Variants in MLXIPL observed in about 807,000 individuals in gnomAD.
The protein encoded by MLXIPL is carbohydrate-responsive element-binding protein.
A neutral mutation model predicts 81.5 loss-of-function variants in MLXIPL; 49 were observed. That is an observed-to-expected ratio of 0.60 (90% confidence interval 0.48 to 0.76). The LOEUF (loss-of-function observed/expected upper bound fraction) is 0.76, where lower values mean the gene tolerates loss of function less well. Ranked by LOEUF, MLXIPL falls within the 30% of genes least tolerant of loss-of-function variation. MLXIPL has a pLI of 0.00. For synonymous variants in MLXIPL, 466 were observed against 485.5 expected (o/e 0.96, Z 0.53); for missense variants, 1,053 against 1,167.0 (o/e 0.90, Z 1.42).
At chr7:73,613,084 G>A (rs1222256562) in intron 2 of MLXIPL, among the ~76,000 whole-genome samples, 4 of 152,164 alleles carry the variant, frequency 2.6e-5, no homozygotes, top group African/African-American at 7.2e-5. Flanking sequence ...GAGCCTGCAG[G>A]GGGTGGCAGA....
chr7:73,645,393 A>C, the MLXIPL span, among the ~76,000 whole-genome samples: 5 of 151,014 alleles, frequency 3.3e-5, no homozygotes, highest in African/African-American at 9.7e-5. Context: ...TATTCTGTTC[A>C]CTCTTCCCTT....
chr7:73,603,957 C>T (rs1307226510), intron 7 of MLXIPL, among the ~76,000 whole-genome samples: 4 of 152,054 alleles, frequency 2.6e-5, no homozygotes, highest in East Asian at 1.9e-4. Context: ...AGCTCACACC[C>T]GTAATCCCAG....
intron 5 of MLXIPL, chr7:73,606,416 CTTTTTCTTTTTCT>C: frequency 2.2e-6 from 1 of 446,398 alleles, no homozygotes; most frequent in Non-Finnish European, 4.0e-6. Context: ...TGTTTGTTTT[CTTTTTCTTTTTCT>C]TTTTTTTTTT....
At chr7:73,618,345 C>A (rs1307140207) in intron 1 of MLXIPL, among the ~76,000 whole-genome samples, 1 of 152,236 alleles carries the variant, frequency 6.6e-6, no homozygotes, top group African/African-American at 2.4e-5. Flanking sequence ...GATCCACCCA[C>A]CTTGGCCTCC....
In MLXIPL at chr7:73,596,604, T is replaced by C; in HGVS notation, c.1822+35A>G. 1 of 1,604,040 alleles carries C rather than the reference T, an allele frequency of 6.2e-7. No homozygotes were observed. The highest frequency in any genetic ancestry group is 8.5e-7 in the Non-Finnish European group (1 of 1,175,770). On this transcript the variant is annotated intron_variant, in intron 11 of 16. Transcript: ENST00000313375. The surrounding 1 kb of genome is among the most constrained non-coding windows in gnomAD (Gnocchi z 4.7). Reference sequence around the variant, plus strand: ...TCTTCCTCCTCTTCCCCTCATCCCCTAGATTCCCCCAATCCCTGCAACCCC... The same window carrying C: ...TCTTCCTCCTCTTCCCCTCATCCCCCAGATTCCCCCAATCCCTGCAACCCC...
intron 15 of MLXIPL, among the ~76,000 whole-genome samples, chr7:73,594,847 T>C (rs1181167583): frequency 8.7e-4 from 1 of 1,148 alleles, no homozygotes; most frequent in Non-Finnish European, 1.2e-3. Flanking sequence ...GTGCTCGGAC[T>C]TTTTTTTTTT....
chr7:73,599,467 A>C (rs1794607441), intron 8 of MLXIPL, 59 bp downstream of exon 8: 1 of 1,592,122 alleles, frequency 6.3e-7, no homozygotes, highest in Non-Finnish European at 8.6e-7. Context: ...GGACATGAAC[A>C]GGGCAGGAAC....
rs782496949 is a variant in MLXIPL at position 73,596,975 on chromosome 7, C to T, written c.1604-43G>A. ...CGTGAGGCTACTGGGGCTGGCCCAC[C>T]CCCGGCATCTATCAAGACCCCATCC... On this transcript the variant is annotated intron_variant, in intron 9 of 16. Transcript: ENST00000313375. The surrounding 1 kb of genome is among the most constrained non-coding windows in gnomAD (Gnocchi z 4.7). 107 of 1,585,730 alleles carry T rather than the reference C, an allele frequency of 6.7e-5. 1 individual carries two copies. Among genetic ancestry groups the T allele is most frequent in the South Asian group, 6.5e-4 (57 of 87,222 alleles).
At chr7:73,594,694 G>T (rs1554593092) in intron 15 of MLXIPL, among the ~76,000 whole-genome samples, 1 of 148,156 alleles carries the variant, frequency 6.7e-6, no homozygotes, top group African/African-American at 2.5e-5. Context: ...GATTACAGGT[G>T]TGCGCCACCA....
chr7:73,607,192 C>T (rs1554598468), intron 4 of MLXIPL, 139 bp downstream of exon 4: 5 of 1,245,556 alleles, frequency 4.0e-6, no homozygotes, highest in Non-Finnish European at 2.3e-6. Context: ...GTGGCGCTGT[C>T]GGCCCGGGAC....
At chr7:73,601,272 A>C (rs1794805461) in intron 7 of MLXIPL, among the ~76,000 whole-genome samples, 1 of 150,876 alleles carries the variant, frequency 6.6e-6, no homozygotes, top group African/African-American at 2.4e-5. Flanking sequence ...TATGTTGCCC[A>C]GGCTGGTCTC....
intron 1 of MLXIPL, among the ~76,000 whole-genome samples, chr7:73,621,804 T>C (rs1220321328): frequency 1.8e-5 from 1 of 55,710 alleles, no homozygotes; most frequent in Non-Finnish European, 3.3e-5. Flanking sequence ...TCTCCTTCCC[T>C]CTCCCTCCCT....
the MLXIPL span, among the ~76,000 whole-genome samples, chr7:73,631,938 C>CCTTTCTT: frequency 0.27 from 36,669 of 136,834 alleles, 5,271 homozygotes; most frequent in African/African-American, 0.32. Context: ...CTCCCCTCCT[C>CCTTTCTT]TTCTTTTCTC....
In MLXIPL at chr7:73,596,059, T is replaced by G. The variant is rs1794264854; in HGVS notation, c.2059-90A>C. 14 of 1,598,518 alleles carry G rather than the reference T, an allele frequency of 8.8e-6. No individual in the cohort carries two copies. The highest frequency in any genetic ancestry group is 3.4e-5 in the Admixed American group (2 of 58,788). ...ACTGGGATGGGAGGAGGCAAGAGTG[T>G]CTGGAGCACTCCCCTGCAATTGAGT... On this transcript the variant is annotated intron_variant, in intron 13 of 16. Coordinates refer to ENST00000313375, the MANE Select transcript of MLXIPL (RefSeq NM_032951.3). This position sits in a 1 kb window ranked among gnomAD's most constrained non-coding sequence, Gnocchi z 4.7.
the MLXIPL span, among the ~76,000 whole-genome samples, chr7:73,630,285 C>CTTT: frequency 8.3e-3 from 808 of 97,726 alleles, 44 homozygotes; most frequent in Middle Eastern, 9.3e-3. Context: ...GCCAGCTTGT[C>CTTT]TTTTTTTTTT....
intron 1 of MLXIPL, among the ~76,000 whole-genome samples, chr7:73,621,013 G>A (rs887589565): frequency 6.6e-5 from 10 of 151,598 alleles, no homozygotes; most frequent in East Asian, 1.9e-4. Context: ...TCATGCCAGC[G>A]CACTCCAGCC....
At chr7:73,647,901 G>A in the MLXIPL span, among the ~76,000 whole-genome samples, 1 of 151,286 alleles carries the variant, frequency 6.6e-6, no homozygotes, top group Non-Finnish European at 1.5e-5. Context: ...GGGCGGCAGA[G>A]GGCTCCGTGC....
chr7:73,601,934 C>T (rs1353045798), intron 7 of MLXIPL, among the ~76,000 whole-genome samples: 1 of 152,084 alleles, frequency 6.6e-6, no homozygotes, highest in African/African-American at 2.4e-5. Flanking sequence ...GCAGCCTCTG[C>T]CTACCCTCTG....
rs1794357979 is a variant in MLXIPL, at chr7:73,596,792, G to A, written c.1672-3C>T. Reference sequence around the variant, plus strand: ...GGGAATTCAGGGACTGTCTCCTGCTGGGGTGGAGAAGGGCGGAGAGTCGGG... The same window carrying A: ...GGGAATTCAGGGACTGTCTCCTGCTAGGGTGGAGAAGGGCGGAGAGTCGGG... On this transcript the variant is annotated splice_polypyrimidine_tract_variant and splice_region_variant and intron_variant, in intron 10 of 16. Coordinates refer to ENST00000313375, the MANE Select transcript of MLXIPL (RefSeq NM_032951.3). The surrounding 1 kb of genome is among the most constrained non-coding windows in gnomAD (Gnocchi z 4.7). 3.1e-6 allele frequency: 5 copies of A among 1,607,356 alleles called. No homozygotes were observed. The East Asian group carries it at 6.7e-5, about 22-fold the overall frequency.
Sources: allele counts gnomAD v4.1 joint callset (sites outside exome capture counted in the v4.1 genomes callset), GRCh38; gene constraint gnomAD v4.1.1; non-coding constraint Gnocchi (gnomAD v3.1); transcripts MANE v1.5; gene names NCBI Gene and HGNC (gene_info 2026-07-23, HGNC 2026-07-21).